Variants in CCDC175 observed in about 807,000 individuals in gnomAD.
CCDC175 encodes coiled-coil domain-containing protein 175.
CCDC175 carries 100 observed loss-of-function variants against 114.6 expected under a neutral mutation model. The observed-to-expected ratio is 0.87, with a 90% CI of 0.74 to 1.03. CCDC175 has a LOEUF of 1.03. Among genes scored for constraint, CCDC175 ranks in the 50% least tolerant of loss-of-function variants. CCDC175 has a pLI of 0.00. For synonymous variants in CCDC175, 306 were observed against 308.7 expected, an observed-to-expected ratio of 0.99 and a Z score of 0.09; for missense variants, 880 against 917.8, an observed-to-expected ratio of 0.96 and a Z score of 0.53.
At chr14:59,536,298 A>G (rs767208145) in intron 13 of CCDC175, among the ~76,000 whole-genome samples, 14 of 151,856 alleles carry the variant, frequency 9.2e-5, no homozygotes, top group Non-Finnish European at 2.1e-4. Flanking sequence ...ACCCTGCCTT[A>G]TATTCAGAGC....
intron 7 of CCDC175, among the ~76,000 whole-genome samples, chr14:59,552,223 G>C (rs1191011264): frequency 6.6e-6 from 1 of 152,232 alleles, no homozygotes; most frequent in Non-Finnish European, 1.5e-5. Context: ...CCTCCCAGTA[G>C]GGGCAGACTG....
intron 6 of CCDC175, among the ~76,000 whole-genome samples, chr14:59,562,136 C>T (rs1896254221): frequency 6.6e-6 from 1 of 152,224 alleles, no homozygotes; most frequent in Non-Finnish European, 1.5e-5. Flanking sequence ...TGTTGAGAGG[C>T]CTCTGATCAA....
intron 3 of CCDC175, among the ~76,000 whole-genome samples, chr14:59,570,626 T>A (rs1458139726): frequency 6.6e-6 from 1 of 152,144 alleles, no homozygotes; most frequent in Non-Finnish European, 1.5e-5. Flanking sequence ...TCTGGAGTTG[T>A]TCTACATTGA....
chr14:59,510,562 C>A, intron 19 of CCDC175, 84 bp downstream of exon 19: 1 of 1,346,888 alleles, frequency 7.4e-7, no homozygotes, highest in Non-Finnish European at 1.0e-6. Flanking sequence ...TTAGTTGACA[C>A]GTTTTTTCTT....
chr14:59,551,456 A>G lies in CCDC175; in HGVS notation c.954-20T>C, dbSNP rs951392288. 7.9e-6 allele frequency: 10 copies of G among 1,260,044 alleles called. No homozygotes were observed. In the African/African-American group the frequency reaches 9.3e-5, roughly 12 times the overall value. 78.1% of individuals were successfully genotyped at this position (1,260,044 alleles called of 1,614,324 possible). A position where few individuals can be genotyped will look rare whatever the true frequency, so the allele number is the denominator to read the frequency against. ...AAACACCTATGAACAAAGGAAGCCA[A>G]ACAGATTCATATAAGAACATACTTT... is the stretch of plus-strand genomic sequence containing the variant. On this transcript the variant is annotated intron_variant, in intron 7 of 19. Transcript: ENST00000537690.
chr14:59,573,102 A>G lies in CCDC175; in HGVS notation c.244-289T>C, dbSNP rs555084589. The stretch of plus-strand genomic sequence containing the variant: ...AGTTTCAATCCATTTAAAAGGAAAG[A>G]CTAACAAAAATAGTAATATTGAGAA... On this transcript the variant is annotated intron_variant, in intron 2 of 19. Coordinates refer to ENST00000537690, the MANE Select transcript of CCDC175 (RefSeq NM_001164399.2). Among the ~76,000 whole-genome samples, 34 of 152,280 alleles carry G rather than the reference A, an allele frequency of 2.2e-4. 1 individual carries two copies. Among genetic ancestry groups the G allele is most frequent in the African/African-American group, 7.7e-4 (32 of 41,572 alleles).
chr14:59,551,205 G>C (rs983405206), intron 8 of CCDC175, 150 bp downstream of exon 8: 9 of 479,140 alleles, frequency 1.9e-5, no homozygotes, highest in Non-Finnish European at 2.9e-5. Flanking sequence ...TTTGGGAGGA[G>C]ATAAAATTTT....
intron 19 of CCDC175, among the ~76,000 whole-genome samples, chr14:59,507,533 G>A (rs563542308): frequency 4.6e-5 from 7 of 152,322 alleles, no homozygotes; most frequent in Non-Finnish European, 1.0e-4. Flanking sequence ...GGCCAGAAGA[G>A]GACAGTAGAG....
At chr14:59,570,479 C>T (rs377633659) in intron 3 of CCDC175, among the ~76,000 whole-genome samples, 1 of 151,732 alleles carries the variant, frequency 6.6e-6, no homozygotes, top group Admixed American at 6.6e-5. Flanking sequence ...AGGTTGGGCT[C>T]TCTGGGAAAC....
intron 7 of CCDC175, among the ~76,000 whole-genome samples, chr14:59,555,691 G>GT (rs1895848998): frequency 6.6e-6 from 1 of 152,146 alleles, no homozygotes; most frequent in South Asian, 2.1e-4. Flanking sequence ...GTTTGCAGAT[G>GT]ACATGATTGT....
rs952499976 is a variant in CCDC175 at position 59,545,196 on chromosome 14, T to C, written c.1139A>G (p.Lys380Arg). The change falls in exon 9 of 20, where the codon AAA becomes AGA. Residue 380 changes from lysine (K) to arginine (R), a missense_variant. By Grantham distance (26) the Lys-to-Arg change is conservative. Transcript: ENST00000537690. ...AATCTTTTGTTTTTGCAAAAAAGCTTTTTCTTCCTCACTTAAAACAATCTT... is the reference window on the plus strand; with the variant it reads ...AATCTTTTGTTTTTGCAAAAAAGCTCTTTCTTCCTCACTTAAAACAATCTT... ...QYKIVLSEEE[K>R]AFLQKQKIHD... The C allele has an allele frequency of 3.9e-6, 6 of 1,536,896 alleles. No homozygotes were observed. The highest frequency in any genetic ancestry group is 1.7e-4 in the Middle Eastern group (1 of 6,002).
At chr14:59,556,805 G>A (rs533830460) in intron 7 of CCDC175, among the ~76,000 whole-genome samples, 3 of 152,292 alleles carry the variant, frequency 2.0e-5, no homozygotes, top group South Asian at 2.1e-4. Context: ...AGTGGGCAAA[G>A]TATATGAACA....
intron 17 of CCDC175, among the ~76,000 whole-genome samples, chr14:59,519,329 G>C (rs764577037): frequency 2.6e-5 from 4 of 151,800 alleles, no homozygotes; most frequent in Non-Finnish European, 5.9e-5. Flanking sequence ...TAAAAAAAAA[G>C]TTCACTTGAA....
At chr14:59,528,688 T>C (rs1374382550) in intron 14 of CCDC175, among the ~76,000 whole-genome samples, 1 of 152,124 alleles carries the variant, frequency 6.6e-6, no homozygotes, top group Non-Finnish European at 1.5e-5. Flanking sequence ...TCTGGTCTTG[T>C]TTGGTAGATA....
intron 8 of CCDC175, among the ~76,000 whole-genome samples, chr14:59,550,524 C>T (rs1443902338): frequency 2.0e-5 from 3 of 151,892 alleles, no homozygotes; most frequent in Non-Finnish European, 4.4e-5. Context: ...GTGTATTAGT[C>T]AGGGTTCTCT....
At chr14:59,509,032 T>C (rs550996785) in intron 19 of CCDC175, among the ~76,000 whole-genome samples, 1 of 152,164 alleles carries the variant, frequency 6.6e-6, no homozygotes, top group Non-Finnish European at 1.5e-5. Flanking sequence ...ACACTGCCAG[T>C]CTCTACTTGT....
chr14:59,554,822 A>T (rs914431066), intron 7 of CCDC175, among the ~76,000 whole-genome samples: 1 of 152,204 alleles, frequency 6.6e-6, no homozygotes, highest in African/African-American at 2.4e-5. Context: ...CTACCATCAG[A>T]GAATACTATA....
chr14:59,507,882 G>C (rs1365407703), intron 19 of CCDC175, among the ~76,000 whole-genome samples: 1 of 152,170 alleles, frequency 6.6e-6, no homozygotes. Flanking sequence ...TGTGGGATGT[G>C]ACCAACTCAG....
In CCDC175 at chr14:59,531,759, G is replaced by A; in HGVS notation, c.1762+13C>T. Reference sequence around the variant, plus strand: ...CTGGGATTGAGTTTAATTACTAAATGCTTCATATGTACCTGTAATAATATT... The same window carrying A: ...CTGGGATTGAGTTTAATTACTAAATACTTCATATGTACCTGTAATAATATT... On this transcript the variant is annotated intron_variant, in intron 14 of 19. Coordinates refer to ENST00000537690, the MANE Select transcript of CCDC175 (RefSeq NM_001164399.2). 2.7e-6 allele frequency: 4 copies of A among 1,459,202 alleles called. No individual in the cohort carries two copies. The highest frequency in any genetic ancestry group is 3.6e-6 in the Non-Finnish European group (4 of 1,099,270). 90.4% of individuals were successfully genotyped at this position (1,459,202 alleles called of 1,614,324 possible).
Sources: gnomAD v4.1 joint callset for allele counts (sites outside exome capture counted in the v4.1 genomes callset) on GRCh38, gnomAD v4.1.1 for gene constraint, MANE v1.5 for transcripts, NCBI Gene and HGNC (gene_info 2026-07-23, HGNC 2026-07-21) for gene names.